The following SMPD4 variants were observed in gnomAD, a reference collection of about 807,000 sequenced individuals.
SMPD4 encodes the protein neutral sphingomyelinase 3.
In SMPD4, 58 loss-of-function variants were observed where a neutral mutation model predicts 97.8. The observed-to-expected ratio is 0.59, with a 90% CI of 0.48 to 0.74. The LOEUF (loss-of-function observed/expected upper bound fraction) is 0.74. Ranked by LOEUF, SMPD4 falls within the 30% of genes least tolerant of loss-of-function variation. The probability of loss-of-function intolerance (pLI) is 0.00; values close to 1 mark genes in which losing one functional copy is unlikely to be tolerated. For missense variants in SMPD4, 853 were observed against 1,080.5 expected (o/e 0.79, Z 2.95); for synonymous variants, 388 against 450.0 (o/e 0.86, Z 1.74).
At chr2:130,177,455 T>C (rs1558766504) in intron 1 of SMPD4, among the ~76,000 whole-genome samples, 1 of 152,068 alleles carries the variant, frequency 6.6e-6, no homozygotes, top group South Asian at 2.1e-4. Flanking sequence ...CCTAGTACTT[T>C]GGGAGGCTGA....
chr2:130,151,856 C>T lies in SMPD4; in HGVS notation c.*699G>A, dbSNP rs554578716. ...CCTGAGGACCAGCACCCATCTGTGA[C>T]AAGGCACAGGGGTCCGCGATGTTGG... On this transcript the variant is annotated 3_prime_UTR_variant, in exon 20 of 20. Coordinates refer to ENST00000680298, the MANE Select transcript of SMPD4 (RefSeq NM_017951.5). 1 of 152,222 alleles carries T rather than the reference C, an allele frequency of 6.6e-6. No homozygotes were observed. Among genetic ancestry groups the T allele is most frequent in the Non-Finnish European group, 1.5e-5 (1 of 67,994 alleles). The allele number at this position is 152,222 out of a possible 1,614,324, so 9.4% of individuals were successfully genotyped here.
rs1253079012 is a variant in SMPD4 at position 130,155,937 on chromosome 2, C to G, written c.1289+98G>C. The G allele has an allele frequency of 3.1e-6, 4 of 1,278,592 alleles. No individual in the cohort carries two copies. The African/African-American group carries it at 4.4e-5, about 14-fold the overall frequency. The allele number at this position is 1,278,592 out of a possible 1,614,324, so 79.2% of individuals were successfully genotyped here. A position where few individuals can be genotyped will look rare whatever the true frequency, so the allele number is the denominator to read the frequency against. ...GGAGGCCACGGGGGCCAGGGCCAGGCTGACCCCAGCACAGGCCGCTGGCTT... is the reference window on the plus strand; with the variant it reads ...GGAGGCCACGGGGGCCAGGGCCAGGGTGACCCCAGCACAGGCCGCTGGCTT... On this transcript the variant is annotated intron_variant, in intron 14 of 19. Transcript: ENST00000680298.
chr2:130,169,305 GTGAAA>G (rs1688216400), intron 8 of SMPD4, among the ~76,000 whole-genome samples: 1 of 152,194 alleles, frequency 6.6e-6, no homozygotes, highest in Admixed American at 6.5e-5. Flanking sequence ...GGGTGAGCCT[GTGAAA>G]CATCACTGCA....
At position 130,167,500 on chromosome 2, in the gene SMPD4, G is replaced by T. The variant is rs756430853; in HGVS notation, c.750C>A (p.Asp250Glu). 13 of 1,613,842 alleles carry T rather than the reference G, an allele frequency of 8.1e-6. No individual in the cohort carries two copies. Among genetic ancestry groups the T allele is most frequent in the Non-Finnish European group, 1.0e-5 (12 of 1,179,850 alleles). ...ACCTCCAGATCTCGTGGGAGGCGGGGTCTGCATTCACAGACGTCTGATGAG... is the reference window on the plus strand; with the variant it reads ...ACCTCCAGATCTCGTGGGAGGCGGGTTCTGCATTCACAGACGTCTGATGAG... ...HISHQTSVNADPASHEIWRSE... is the reference protein window; with the variant it reads ...HISHQTSVNAEPASHEIWRSE... Residue 250 changes from aspartate (D) to glutamate (E), a missense_variant, in exon 9 of 20, where the codon GAC (aspartate) becomes GAA (glutamate). By Grantham distance (45) the Asp-to-Glu change is conservative. This residue lies in a region of SMPD4 where 313 missense variants were observed against 402.2 expected (regional missense o/e 0.78). Coordinates refer to ENST00000680298, the MANE Select transcript of SMPD4 (RefSeq NM_017951.5).
At chr2:130,165,108 T>TAAA (rs35361623) in intron 9 of SMPD4, among the ~76,000 whole-genome samples, 9 of 61,890 alleles carry the variant, frequency 1.5e-4, no homozygotes, top group African/African-American at 4.8e-4. Flanking sequence ...GACTCTGATT[T>TAAA]AAAAAAAAAA....
chr2:130,154,942 C>G (rs1686625186), intron 15 of SMPD4, 154 bp downstream of exon 15: 1 of 1,020,224 alleles, frequency 9.8e-7, no homozygotes, highest in East Asian at 2.6e-5. Flanking sequence ...GACCTCACCA[C>G]ACAGACGTGT....
intron 11 of SMPD4, among the ~76,000 whole-genome samples, chr2:130,159,321 C>T (rs1014109502): frequency 2.0e-5 from 3 of 152,008 alleles, no homozygotes. Context: ...ATTGTTAAGT[C>T]TTTGGGCAAT....
chr2:130,153,774 C>G lies in SMPD4; in HGVS notation c.1821G>C (p.Met607Ile). The G allele has an allele frequency of 6.2e-7, 1 of 1,614,022 alleles. No homozygotes were observed. The highest frequency in any genetic ancestry group is 2.2e-5 in the East Asian group (1 of 44,884). Residue 607 changes from methionine to isoleucine, a missense_variant, in exon 17 of 20, where the codon ATG (methionine) becomes ATC (isoleucine). Coordinates refer to ENST00000680298, the MANE Select transcript of SMPD4 (RefSeq NM_017951.5). ...CTGTCTTCCGGACACTGTCTTGCCC[C>G]ATCTCGTCCAGGTCGTTGGCTGTGT... ...GSYTANDLDE[M>I]GQDSVRKTDE...
At chr2:130,173,792 C>A in intron 3 of SMPD4, 136 bp from the exon 4 acceptor site, 1 of 1,172,406 alleles carries the variant, frequency 8.5e-7, no homozygotes, top group Non-Finnish European at 1.2e-6. Context: ...CAGCCCTGCA[C>A]CCAAAGGAAG....
intron 19 of SMPD4, 78 bp downstream of exon 19, chr2:130,152,965 C>T: frequency 6.4e-7 from 1 of 1,554,048 alleles, no homozygotes; most frequent in East Asian, 2.3e-5. Context: ...CCTCACAGGC[C>T]ACCCCAGGAC....
intron 11 of SMPD4, chr2:130,158,248 C>T (rs773890798): frequency 6.2e-6 from 8 of 1,288,874 alleles, no homozygotes; most frequent in Middle Eastern, 2.1e-4. Flanking sequence ...GGCGTCACTT[C>T]CTCTGTTGCC....
chr2:130,174,970 G>A lies in SMPD4; in HGVS notation c.70C>T (p.Pro24Ser), dbSNP rs759113283. ...AAGTCTTGGCACTGCTGTGCAAAGG[G>A]CTTATTTATAGAGTCAGCTTTCAGG... The part of the protein sequence containing the change: ...ASLKADSINK[P>S]FAQQCQDLVK... The change falls in exon 3 of 20, where the codon CCC (proline) becomes TCC (serine). Residue 24 changes from proline (P) to serine (S), a missense_variant. Around this residue, in one of 3 missense-constraint regions of SMPD4, gnomAD observed 313 missense variants for 402.2 expected, o/e 0.78. Transcript: ENST00000680298. The A allele has an allele frequency of 8.1e-6, 13 of 1,608,624 alleles. No homozygotes were observed. In the African/African-American group the frequency reaches 1.3e-4, roughly 17 times the overall value.
chr2:130,160,260 T>C (rs1309906364), intron 11 of SMPD4, among the ~76,000 whole-genome samples: 1 of 152,206 alleles, frequency 6.6e-6, no homozygotes, highest in Non-Finnish European at 1.5e-5. Flanking sequence ...CAGTGGCTCC[T>C]GCGGAATGAG....
intron 9 of SMPD4, among the ~76,000 whole-genome samples, chr2:130,166,360 C>G (rs1444581225): frequency 6.7e-6 from 1 of 150,308 alleles, no homozygotes; most frequent in Non-Finnish European, 1.5e-5. Context: ...AACAGCAGAA[C>G]CTTCCAGTTC....
Position 130,153,303 on chromosome 2 carries a change from G to T in SMPD4, c.2025+16C>A. On this transcript the variant is annotated intron_variant, in intron 18 of 19. Transcript: ENST00000680298. ...CAGGGCCCAGCCTGTGCGCCTCTGA[G>T]ACACGGGCCTCTCACCTGGTACCGC... 1 of 1,613,574 alleles carries T rather than the reference G, an allele frequency of 6.2e-7. No individual in the cohort carries two copies. Among genetic ancestry groups the T allele is most frequent in the South Asian group, 1.1e-5 (1 of 91,074 alleles).
At chr2:130,180,024 C>T (rs1472609481) in intron 1 of SMPD4, among the ~76,000 whole-genome samples, 12 of 146,868 alleles carry the variant, frequency 8.2e-5, no homozygotes, top group African/African-American at 2.8e-4. Context: ...AGTGCAGTGG[C>T]GCGATCTGGG....
chr2:130,159,579 A>C (rs1687186187), intron 11 of SMPD4: 1 of 150,908 alleles, frequency 6.6e-6, no homozygotes, highest in Non-Finnish European at 1.5e-5. Context: ...TGGAGATTGC[A>C]GTGAGCCGAG....
chr2:130,157,661 C>T, intron 11 of SMPD4: 2 of 608,136 alleles, frequency 3.3e-6, no homozygotes, highest in East Asian at 3.4e-5. Flanking sequence ...GGAGGCCTCA[C>T]TAAGACAGAC....
chr2:130,176,101 G>A (rs1281018712), intron 2 of SMPD4, among the ~76,000 whole-genome samples: 1 of 151,960 alleles, frequency 6.6e-6, no homozygotes, highest in Non-Finnish European at 1.5e-5. Flanking sequence ...GGAACTCCAG[G>A]CATGAGCCAC....
Sources: gnomAD v4.1 joint callset for allele counts (sites outside exome capture counted in the v4.1 genomes callset) on GRCh38, gnomAD v4.1.1 for gene constraint, gnomAD v4.1.1 regional missense constraint, MANE v1.5 for transcripts, NCBI Gene and HGNC (gene_info 2026-07-23, HGNC 2026-07-21) for gene names.